ZBTB7A: variants seen among roughly 807,000 people sequenced by gnomAD.
ZBTB7A encodes the protein zinc finger and BTB domain-containing protein 7A.
A neutral mutation model predicts 26.7 loss-of-function variants in ZBTB7A; 7 were observed. That is an observed-to-expected ratio of 0.26 (90% CI 0.15 to 0.49). The LOEUF is 0.49. Ranked by LOEUF, ZBTB7A falls within the 20% of genes least tolerant of loss-of-function variation. ZBTB7A has a pLI of 0.98. For missense variants in ZBTB7A, 617 were observed against 919.5 expected, an observed-to-expected ratio of 0.67 and a Z score of 4.25; for synonymous variants, 452 against 441.0, an observed-to-expected ratio of 1.02 and a Z score of -0.31.
intron 1 of ZBTB7A, chr19:4,065,530 G>A (rs1251997619): frequency 6.9e-6 from 1 of 145,850 alleles, no homozygotes; most frequent in Non-Finnish European, 1.5e-5. Context: ...AGGCGGCAGT[G>A]AGCCTGGCCC....
intron 1 of ZBTB7A, chr19:4,065,509 G>A (rs962917027): frequency 6.9e-6 from 1 of 145,896 alleles, no homozygotes; most frequent in South Asian, 1.9e-4. Context: ...GGCTCCCTCC[G>A]AGGGGCCGGG....
chr19:4,049,944 G>A (rs1425916260), intron 2 of ZBTB7A, among the ~76,000 whole-genome samples: 1 of 151,684 alleles, frequency 6.6e-6, no homozygotes, highest in East Asian at 1.9e-4. Context: ...TTTTTTCTGA[G>A]ACCGAGTCTC....
chr19:4,063,068 C>A (rs935855715), intron 1 of ZBTB7A, among the ~76,000 whole-genome samples: 3 of 152,058 alleles, frequency 2.0e-5, no homozygotes, highest in Non-Finnish European at 4.4e-5. Context: ...TACTGCAGGG[C>A]AGTTTATGGT....
chr19:4,053,674 GGTGTGCGTGTGCGT>G (rs1368281128), intron 2 of ZBTB7A, among the ~76,000 whole-genome samples: 1 of 151,300 alleles, frequency 6.6e-6, no homozygotes, highest in African/African-American at 2.4e-5. Flanking sequence ...ATGTGTATGT[GGTGTGCGTGTGCGT>G]GTGTGCGTCT....
In ZBTB7A at chr19:4,053,974, G is replaced by A; in HGVS notation, c.1259C>T (p.Thr420Ile). 6.3e-7 allele frequency: 1 copy of A among 1,597,756 alleles called. No individual in the cohort carries two copies. ...TCCCCCGCGGCGGGCAGCTCACCTG[G>A]TGAAGCGGACCTTGCAGATGTTGCA... is the stretch of plus-strand genomic sequence containing the variant. ...YECNICKVRF[T>I]RQDKLKVHMR... The change falls in exon 2 of 3, where the codon ACC (threonine) becomes ATC (isoleucine). Residue 420 changes from threonine to isoleucine, a missense_variant. Thr to Ile is a moderately conservative substitution (Grantham distance 89). Coordinates refer to ENST00000322357, the MANE Select transcript of ZBTB7A (RefSeq NM_015898.4).
At chr19:4,057,842 C>A (rs896699640) in intron 1 of ZBTB7A, among the ~76,000 whole-genome samples, 1 of 152,076 alleles carries the variant, frequency 6.6e-6, no homozygotes, top group Non-Finnish European at 1.5e-5. Flanking sequence ...CAGTTCCACC[C>A]GAACCCCACC....
rs1221311551 is a variant in ZBTB7A at position 4,046,304 on chromosome 19, T to C, written c.*1448A>G. On this transcript the variant is annotated 3_prime_UTR_variant, in exon 3 of 3. Transcript: ENST00000322357. ...CTTCCTCCTGAACCCCCCTTCTCGCTTTTTGGGGAACAGAAGTGGATTCTA... is the reference window on the plus strand; with the variant it reads ...CTTCCTCCTGAACCCCCCTTCTCGCCTTTTGGGGAACAGAAGTGGATTCTA... 3 of 378,958 alleles carry C rather than the reference T, an allele frequency of 7.9e-6. No individual in the cohort carries two copies. The highest frequency in any genetic ancestry group is 6.2e-5 in the African/African-American group (3 of 48,032). 23.5% of individuals were successfully genotyped at this position (378,958 alleles called of 1,614,324 possible).
rs1433683900 is a variant in ZBTB7A, at chr19:4,043,736, C to A, written c.*4016G>T. Among the ~76,000 whole-genome samples the A allele has an allele frequency of 3.0e-5, 3 of 98,744 alleles. No individual in the cohort carries two copies. The highest frequency in any genetic ancestry group is 1.2e-4 in the African/African-American group (3 of 25,038). The allele number at this position is 98,744 out of a possible 152,430, so 64.8% of individuals were successfully genotyped here. A position where few individuals can be genotyped will look rare whatever the true frequency, so the allele number is the denominator to read the frequency against. On this transcript the variant is annotated 3_prime_UTR_variant, in exon 3 of 3. Coordinates refer to ENST00000322357, the MANE Select transcript of ZBTB7A (RefSeq NM_015898.4). Reference sequence around the variant, plus strand: ...CTGGGCCCGGCCCCCCCCCCCCCCCCCCGTAAATCTATGTATTTAATGCGA... The same window carrying A: ...CTGGGCCCGGCCCCCCCCCCCCCCCACCGTAAATCTATGTATTTAATGCGA...
intron 2 of ZBTB7A, among the ~76,000 whole-genome samples, chr19:4,051,896 C>G (rs1278651212): frequency 6.6e-6 from 1 of 152,120 alleles, no homozygotes; most frequent in African/African-American, 2.4e-5. Context: ...TTTCATCACC[C>G]CGAGCCCCAG....
rs570637168 is a variant in ZBTB7A, at chr19:4,063,454, C to T, written c.-16+3228G>A. 3.2e-4 allele frequency among the ~76,000 whole-genome samples: 49 copies of T among 152,278 alleles called. 1 individual carries two copies. The highest frequency in any genetic ancestry group is 3.4e-3 in the Middle Eastern group (1 of 294). On this transcript the variant is annotated intron_variant, in intron 1 of 2. Coordinates refer to ENST00000322357, the MANE Select transcript of ZBTB7A (RefSeq NM_015898.4). ...ACCAAGGTGAGACGAGTTTGTGGCT[C>T]GGCAGGATTGCAGAGGGGCCTCGTA...
At position 4,048,283 on chromosome 19, in the gene ZBTB7A, CG is replaced by C. The variant is rs2144974149; in HGVS notation, c.1263-40del. The C allele has an allele frequency of 1.3e-6, 2 of 1,524,110 alleles. No individual in the cohort carries two copies. Among genetic ancestry groups the C allele is most frequent in the East Asian group, 2.6e-5 (1 of 38,646 alleles). 94.4% of individuals were successfully genotyped at this position (1,524,110 alleles called of 1,614,324 possible). A position where few individuals can be genotyped will look rare whatever the true frequency, so the allele number is the denominator to read the frequency against. On this transcript the variant is annotated intron_variant, in intron 2 of 2. Coordinates refer to ENST00000322357, the MANE Select transcript of ZBTB7A (RefSeq NM_015898.4). This position sits in a 1 kb window ranked among gnomAD's most constrained non-coding sequence, Gnocchi z 6.7. The stretch of plus-strand genomic sequence containing the variant: ...ACGGGGCGGGCACGGTCAGTGGGGC[CG>C]GGGACCCCCGATCCCCGCCCAGGGA...
In ZBTB7A at chr19:4,044,965, G is replaced by A. The variant is rs2040396086; in HGVS notation, c.*2787C>T. ...TATGTGATTGCGCGGAGTCTGGGGA[G>A]GGCGGGGCTGGGCTGGGGGGGTCCC... On this transcript the variant is annotated 3_prime_UTR_variant, in exon 3 of 3. Coordinates refer to ENST00000322357, the MANE Select transcript of ZBTB7A (RefSeq NM_015898.4). 1 of 152,268 alleles carries A rather than the reference G, an allele frequency of 6.6e-6. No homozygotes were observed. The highest frequency in any genetic ancestry group is 2.1e-4 in the South Asian group (1 of 4,832). 9.4% of individuals were successfully genotyped at this position (152,268 alleles called of 1,614,324 possible).
intron 1 of ZBTB7A, among the ~76,000 whole-genome samples, chr19:4,063,615 C>T (rs1391002195): frequency 6.6e-6 from 1 of 152,200 alleles, no homozygotes; most frequent in Non-Finnish European, 1.5e-5. Flanking sequence ...TTTAATAAGC[C>T]TCGGTGACAC....
At chr19:4,057,071 G>A (rs531366367) in intron 1 of ZBTB7A, among the ~76,000 whole-genome samples, 54 of 151,068 alleles carry the variant, frequency 3.6e-4, no homozygotes, top group African/African-American at 1.3e-3. Context: ...AAAAAGGGCT[G>A]GGCACTGTGG....
chr19:4,048,284 G>A lies in ZBTB7A; in HGVS notation c.1263-40C>T, dbSNP rs1322051845. The A allele has an allele frequency of 3.9e-6, 6 of 1,523,528 alleles. No homozygotes were observed. Among genetic ancestry groups the A allele is most frequent in the African/African-American group, 2.9e-5 (2 of 70,138 alleles). 94.4% of individuals were successfully genotyped at this position (1,523,528 alleles called of 1,614,324 possible). Reference sequence around the variant, plus strand: ...CGGGGCGGGCACGGTCAGTGGGGCCGGGGACCCCCGATCCCCGCCCAGGGA... The same window carrying A: ...CGGGGCGGGCACGGTCAGTGGGGCCAGGGACCCCCGATCCCCGCCCAGGGA... On this transcript the variant is annotated intron_variant, in intron 2 of 2. Transcript: ENST00000322357. The surrounding 1 kb of genome is among the most constrained non-coding windows in gnomAD (Gnocchi z 6.7).
At chr19:4,049,160 G>GTATATATATA (rs1479974251) in intron 2 of ZBTB7A, among the ~76,000 whole-genome samples, 1 of 15,854 alleles carries the variant, frequency 6.3e-5, no homozygotes, top group African/African-American at 1.5e-4. Flanking sequence ...GTGTGTGTGT[G>GTATATATATA]TGTGTGTGTA....
At chr19:4,053,565 G>A (rs1488597249) in intron 2 of ZBTB7A, among the ~76,000 whole-genome samples, 1 of 151,446 alleles carries the variant, frequency 6.6e-6, no homozygotes, top group Non-Finnish European at 1.5e-5. Flanking sequence ...GTGTGCGTGT[G>A]TGTGCGCGCA....
chr19:4,058,748 G>A (rs775302512), intron 1 of ZBTB7A, among the ~76,000 whole-genome samples: 2 of 152,238 alleles, frequency 1.3e-5, no homozygotes, highest in Non-Finnish European at 2.9e-5. Context: ...GGCCCCACAA[G>A]GGAGGCATGG....
intron 1 of ZBTB7A, among the ~76,000 whole-genome samples, chr19:4,066,192 A>T (rs1195787293): frequency 3.5e-5 from 3 of 85,928 alleles, no homozygotes; most frequent in Admixed American, 3.5e-4. Context: ...CTGTTTTTTC[A>T]GCCCCCTCCC....
Sources: allele counts gnomAD v4.1 joint callset (sites outside exome capture counted in the v4.1 genomes callset), GRCh38; gene constraint gnomAD v4.1.1; non-coding constraint Gnocchi (gnomAD v3.1); transcripts MANE v1.5; gene names NCBI Gene and HGNC (gene_info 2026-07-23, HGNC 2026-07-21).